Variants in KCNU1 observed in about 807,000 individuals in gnomAD.
The protein encoded by KCNU1 is potassium channel subfamily U member 1.
Under a neutral mutation model 126.8 loss-of-function variants are expected in KCNU1, and 93 were observed. The ratio of observed to expected loss-of-function variants is 0.73; its 90% CI spans 0.62 to 0.87. The LOEUF (loss-of-function observed/expected upper bound fraction) is 0.87, where lower values mean the gene tolerates loss of function less well. KCNU1 is among the 40% of genes least tolerant of loss of function. The pLI, the probability that KCNU1 is intolerant of heterozygous loss-of-function variation, is 0.00. For synonymous variants in KCNU1, 523 were observed against 494.2 expected (o/e 1.06, Z -0.77); for missense variants, 1,330 against 1,367.1 (o/e 0.97, Z 0.43).
At chr8:36,852,589 A>G (rs1027272065) in intron 18 of KCNU1, among the ~76,000 whole-genome samples, 5 of 152,074 alleles carry the variant, frequency 3.3e-5, no homozygotes, top group African/African-American at 7.2e-5. Flanking sequence ...TGGTAGTTTC[A>G]TCTTTCTACC....
intron 23 of KCNU1, among the ~76,000 whole-genome samples, chr8:36,919,439 A>C (rs1299298074): frequency 1.3e-5 from 2 of 151,776 alleles, no homozygotes; most frequent in East Asian, 3.9e-4. Context: ...AAAAAAAAAA[A>C]AAAAAAACTC....
chr8:36,875,061 C>T (rs1429502679), intron 19 of KCNU1, among the ~76,000 whole-genome samples: 1 of 151,820 alleles, frequency 6.6e-6, no homozygotes, highest in Non-Finnish European at 1.5e-5. Flanking sequence ...ATTTAAGGTA[C>T]CAGTGGGGAA....
At position 36,815,631 on chromosome 8, in the gene KCNU1, A is replaced by T; in HGVS notation, c.939A>T (p.Glu313Asp). 6.3e-7 allele frequency: 1 copy of T among 1,596,458 alleles called. No individual in the cohort carries two copies. Among genetic ancestry groups the T allele is most frequent in the Non-Finnish European group, 8.5e-7 (1 of 1,170,632 alleles). Residue 313 changes from glutamate to aspartate, a missense_variant, in exon 9 of 27, where the codon GAA (glutamate) becomes GAT (aspartate). Transcript: ENST00000399881. ...LFANYIPEMV[E>D]LFANKRKYTS... ...CGAACTATATACCTGAAATGGTGGA[A>T]CTGTTTGCTAACAAGAGGAAATACA...
chr8:36,918,402 T>G (rs897599797), intron 22 of KCNU1, among the ~76,000 whole-genome samples: 1 of 150,088 alleles, frequency 6.7e-6, no homozygotes, highest in Non-Finnish European at 1.5e-5. Flanking sequence ...AAAAAAAAAA[T>G]AAATTAGCTG....
intron 24 of KCNU1, among the ~76,000 whole-genome samples, chr8:36,925,071 G>C (rs916552561): frequency 3.3e-5 from 5 of 152,118 alleles, no homozygotes; most frequent in Non-Finnish European, 7.4e-5. Flanking sequence ...CATTGGCCTT[G>C]GGTGGTCTAA....
chr8:36,819,961 G>A (rs1181121462), intron 10 of KCNU1, among the ~76,000 whole-genome samples: 1 of 152,126 alleles, frequency 6.6e-6, no homozygotes, highest in Non-Finnish European at 1.5e-5. Flanking sequence ...GCGTTTAGGA[G>A]GATTGACAGT....
At chr8:36,850,405 C>T (rs2117285809) in intron 18 of KCNU1, among the ~76,000 whole-genome samples, 1 of 151,346 alleles carries the variant, frequency 6.6e-6, no homozygotes, top group Middle Eastern at 3.5e-3. Flanking sequence ...AGATTTACCC[C>T]AAAACTTTCT....
At chr8:36,862,835 G>A (rs994639781) in intron 18 of KCNU1, among the ~76,000 whole-genome samples, 2 of 152,038 alleles carry the variant, frequency 1.3e-5, no homozygotes, top group African/African-American at 2.4e-5. Context: ...AGGCTAGTTC[G>A]GGCATGTTGT....
chr8:36,888,481 G>A (rs776449174), intron 19 of KCNU1: 1 of 500,946 alleles, frequency 2.0e-6, no homozygotes, highest in East Asian at 5.6e-5. Context: ...GCCCCATCAC[G>A]ATTATCTTCC....
At chr8:36,877,832 C>A (rs150121931) in intron 19 of KCNU1, among the ~76,000 whole-genome samples, 1 of 152,126 alleles carries the variant, frequency 6.6e-6, no homozygotes, top group Non-Finnish European at 1.5e-5. Context: ...TAACAATGCC[C>A]GTTATCATAT....
chr8:36,787,829 ATATT>A (rs1398778964), intron 2 of KCNU1, among the ~76,000 whole-genome samples: 2 of 145,008 alleles, frequency 1.4e-5, no homozygotes, highest in African/African-American at 5.1e-5. Context: ...ATATAATTAT[ATATT>A]TATAAATAGT....
chr8:36,932,229 A>G (rs1808724006), intron 25 of KCNU1, among the ~76,000 whole-genome samples: 1 of 152,090 alleles, frequency 6.6e-6, no homozygotes. Flanking sequence ...TTGCTCACCT[A>G]CAGGTGGACT....
At chr8:36,846,089 A>G (rs1470812974) in intron 18 of KCNU1, among the ~76,000 whole-genome samples, 190 bp downstream of exon 18, 1 of 152,262 alleles carries the variant, frequency 6.6e-6, no homozygotes, top group Non-Finnish European at 1.5e-5. Flanking sequence ...CTAACTAGTT[A>G]TCGAATTCAG....
intron 19 of KCNU1, among the ~76,000 whole-genome samples, chr8:36,882,646 C>T (rs1297503922): frequency 1.3e-5 from 2 of 152,024 alleles, no homozygotes; most frequent in East Asian, 3.9e-4. Flanking sequence ...TACAGTGGCA[C>T]GATCTTGGCT....
intron 19 of KCNU1, among the ~76,000 whole-genome samples, chr8:36,875,296 T>C (rs1157990669): frequency 6.6e-6 from 1 of 150,908 alleles, no homozygotes; most frequent in Admixed American, 6.6e-5. Context: ...TGTATGTGTG[T>C]GTATGTATAT....
chr8:36,807,742 A>AG, intron 6 of KCNU1, among the ~76,000 whole-genome samples: 1 of 152,236 alleles, frequency 6.6e-6, no homozygotes, highest in African/African-American at 2.4e-5. Context: ...AAAAAAAAAA[A>AG]AAAGTCAAAG....
intron 6 of KCNU1, among the ~76,000 whole-genome samples, chr8:36,808,395 A>G (rs1266970557): frequency 6.6e-6 from 1 of 152,132 alleles, no homozygotes; most frequent in Non-Finnish European, 1.5e-5. Context: ...ATCCACATGT[A>G]GATATTTTAA....
intron 23 of KCNU1, among the ~76,000 whole-genome samples, chr8:36,920,643 G>C (rs182863907): frequency 1.3e-5 from 2 of 152,144 alleles, no homozygotes; most frequent in African/African-American, 4.8e-5. Context: ...GAAGGAAATG[G>C]CCAGGAAAGC....
intron 10 of KCNU1, among the ~76,000 whole-genome samples, chr8:36,832,044 C>G (rs1440260593): frequency 6.6e-6 from 1 of 152,174 alleles, no homozygotes; most frequent in Non-Finnish European, 1.5e-5. Context: ...TTGTTTTTCT[C>G]AGGTTTGTCA....
Sources: allele counts gnomAD v4.1 joint callset (sites outside exome capture counted in the v4.1 genomes callset), GRCh38; gene constraint gnomAD v4.1.1; transcripts MANE v1.5; gene names NCBI Gene and HGNC (gene_info 2026-07-23, HGNC 2026-07-21).